THSD4: variants seen among roughly 807,000 people sequenced by gnomAD.
The protein encoded by THSD4 is thrombospondin type 1 domain containing 4.
THSD4 carries 69 observed loss-of-function variants against 119.0 expected under a neutral mutation model. That is an observed-to-expected ratio of 0.58 (90% CI 0.48 to 0.71). The LOEUF is 0.71. Among genes scored for constraint, THSD4 ranks in the 30% least tolerant of loss-of-function variants. THSD4 has a pLI of 0.00. For synonymous variants in THSD4, 524 were observed against 540.4 expected (o/e 0.97, Z 0.42); for missense variants, 1,393 against 1,391.1 (o/e 1.00, Z -0.02).
At chr15:71,621,302 A>G (rs555599558) in intron 7 of THSD4, among the ~76,000 whole-genome samples, 8 of 152,306 alleles carry the variant, frequency 5.3e-5, no homozygotes, top group African/African-American at 9.6e-5. Flanking sequence ...ACAAGCGTAC[A>G]TTTTTTGTAA....
At chr15:71,748,325 AT>A in intron 13 of THSD4, 95 bp from the exon 14 acceptor site, 1 of 1,461,386 alleles carries the variant, frequency 6.8e-7, no homozygotes, top group Non-Finnish European at 9.4e-7. Flanking sequence ...CCTCAGTCTC[AT>A]GGGGCTGATC....
At chr15:71,652,464 G>T (rs1254239770) in intron 7 of THSD4, among the ~76,000 whole-genome samples, 2 of 152,060 alleles carry the variant, frequency 1.3e-5, no homozygotes, top group African/African-American at 4.8e-5. Flanking sequence ...GCTATTTCAG[G>T]CCTCTCTCCT....
At chr15:71,204,998 A>T (rs908344) in intron 3 of THSD4, among the ~76,000 whole-genome samples, 3,730 of 152,138 alleles carry the variant, frequency 0.025, 154 homozygotes, top group African/African-American at 0.085. Context: ...CTTTTTGAGT[A>T]GCCCATAGGG....
intron 14 of THSD4, among the ~76,000 whole-genome samples, chr15:71,755,036 T>C (rs1472249948): frequency 1.3e-5 from 2 of 152,374 alleles, no homozygotes; most frequent in African/African-American, 2.4e-5. Context: ...CCATCTCCAG[T>C]GATAAGAATC....
At chr15:71,599,674 A>G (rs189875794) in intron 7 of THSD4, among the ~76,000 whole-genome samples, 1 of 152,242 alleles carries the variant, frequency 6.6e-6, no homozygotes, top group Non-Finnish European at 1.5e-5. Flanking sequence ...TCTTCATAAA[A>G]CCTGATGAGG....
chr15:71,141,684 G>A lies in THSD4; in HGVS notation c.29+128G>A, dbSNP rs1415584626. ...CTGACTGATATTTTTGATATAATAC[G>A]TCCACTTGTGTAAAAGTTTGCTATT... On this transcript the variant is annotated intron_variant, in intron 2 of 17. Transcript: ENST00000261862. The A allele has an allele frequency of 3.0e-5, 33 of 1,084,720 alleles. No homozygotes were observed. In the Admixed American group the frequency reaches 5.0e-4, roughly 16 times the overall value. 67.2% of individuals were successfully genotyped at this position (1,084,720 alleles called of 1,614,324 possible).
intron 3 of THSD4, among the ~76,000 whole-genome samples, chr15:71,182,464 G>C (rs78751333): frequency 6.6e-6 from 1 of 151,572 alleles, no homozygotes; most frequent in African/African-American, 2.4e-5. Flanking sequence ...ACTATAAATG[G>C]TTCTAAGAAA....
chr15:71,424,920 C>G (rs552587284), intron 7 of THSD4, among the ~76,000 whole-genome samples: 1 of 152,154 alleles, frequency 6.6e-6, no homozygotes, highest in East Asian at 1.9e-4. Flanking sequence ...AAAAAAGAAA[C>G]CAAAACTAGC....
chr15:71,571,059 A>T (rs4477643), intron 7 of THSD4, among the ~76,000 whole-genome samples: 112,125 of 152,082 alleles, frequency 0.74, 41,929 homozygotes, highest in East Asian at 0.91. Flanking sequence ...AGAACTCCCT[A>T]TGAGCCTGAG....
Position 71,359,119 on chromosome 15 carries a change from C to T in THSD4, c.1016-52568C>T, listed in dbSNP as rs115120234. Among the ~76,000 whole-genome samples the T allele has an allele frequency of 2.1e-3, 318 of 152,298 alleles. 3 individuals are homozygous for T. The highest frequency in any genetic ancestry group is 7.3e-3 in the African/African-American group (305 of 41,554). ...TCAACACCTTTTCCCACCCTCCTGT[C>T]CTCCCCTTCGCATCTTCTCTTCTGC... On this transcript the variant is annotated intron_variant, in intron 6 of 17. Coordinates refer to ENST00000261862, the MANE Select transcript of THSD4 (RefSeq NM_024817.3).
At chr15:71,355,414 A>G (rs1030328722) in intron 6 of THSD4, among the ~76,000 whole-genome samples, 2 of 152,180 alleles carry the variant, frequency 1.3e-5, no homozygotes, top group Admixed American at 6.5e-5. Flanking sequence ...ATGCATGTGC[A>G]TGTGTGTGCG....
rs1555451639 is a variant in THSD4 at position 71,160,990 on chromosome 15, CCCTTT to C, written c.99+6059_99+6063del. ...GCTTGTCTCAAGGAAATTAAAATTT[CCCTTT>C]TAATTTCTTCATCAACCTACTGGTT... is the stretch of plus-strand genomic sequence containing the variant. On this transcript the variant is annotated intron_variant, in intron 3 of 17. Transcript: ENST00000261862. Among the ~76,000 whole-genome samples the C allele has an allele frequency of 1.4e-4, 22 of 152,036 alleles. 1 individual carries two copies. In the South Asian group the frequency reaches 1.9e-3, roughly 13 times the overall value.
At chr15:71,590,728 G>C (rs2049779924) in intron 7 of THSD4, among the ~76,000 whole-genome samples, 1 of 152,120 alleles carries the variant, frequency 6.6e-6, no homozygotes, top group Admixed American at 6.5e-5. Flanking sequence ...GAAGGGACAG[G>C]CACGATGGCT....
rs1319288038 is a variant in THSD4, at chr15:71,217,644, T to G, written c.464+2245T>G. Among the ~76,000 whole-genome samples the G allele has an allele frequency of 2.7e-5, 4 of 150,462 alleles. No homozygotes were observed. The South Asian group carries it at 6.3e-4, about 24-fold the overall frequency. The stretch of plus-strand genomic sequence containing the variant: ...TCTCAAAAAAAAAAAAAAGATCAGG[T>G]TTGTTGGCCAATGAGTTTTGTCACC... On this transcript the variant is annotated intron_variant, in intron 4 of 17. Transcript: ENST00000261862.
intron 4 of THSD4, among the ~76,000 whole-genome samples, chr15:71,222,949 G>A (rs1017402533): frequency 1.3e-5 from 2 of 152,150 alleles, no homozygotes; most frequent in African/African-American, 4.8e-5. Flanking sequence ...GTATCCTGCC[G>A]ATGTTACTTA....
At chr15:71,664,622 A>G (rs1345709198) in intron 8 of THSD4, among the ~76,000 whole-genome samples, 2 of 151,984 alleles carry the variant, frequency 1.3e-5, no homozygotes, top group Non-Finnish European at 2.9e-5. Context: ...CTAGTATCCA[A>G]TAGTTATTTT....
chr15:71,172,941 A>C (rs796176195), intron 3 of THSD4, among the ~76,000 whole-genome samples: 85 of 151,880 alleles, frequency 5.6e-4, no homozygotes, highest in African/African-American at 2.0e-3. Flanking sequence ...GGTGAACATC[A>C]TACTCAATGG....
intron 7 of THSD4, among the ~76,000 whole-genome samples, chr15:71,452,385 A>G (rs2047277391): frequency 6.6e-6 from 1 of 151,942 alleles, no homozygotes; most frequent in Admixed American, 6.5e-5. Context: ...TGGGCTGGGT[A>G]TGGGGGAGGC....
At chr15:71,658,748 G>A (rs7496585) in intron 7 of THSD4, among the ~76,000 whole-genome samples, 39,653 of 152,078 alleles carry the variant, frequency 0.26, 5,957 homozygotes, top group East Asian at 0.7. Context: ...AGCAAACATG[G>A]CATTTGGAAA....
Sources: allele counts gnomAD v4.1 joint callset (sites outside exome capture counted in the v4.1 genomes callset), GRCh38; gene constraint gnomAD v4.1.1; transcripts MANE v1.5; gene names NCBI Gene and HGNC (gene_info 2026-07-23, HGNC 2026-07-21).